NCAPD3: variants seen among roughly 807,000 people sequenced by gnomAD.
The protein encoded by NCAPD3 is non-SMC condensin II complex subunit D3, also known as condensin-2 complex subunit D3.
NCAPD3 carries 105 observed loss-of-function variants against 182.9 expected under a neutral mutation model. The observed-to-expected ratio is 0.57, with a 90% CI of 0.49 to 0.68. The LOEUF is 0.68. NCAPD3 is among the 30% of genes least tolerant of loss of function. The pLI is 0.00. For missense variants in NCAPD3, 1,944 were observed against 1,837.0 expected (o/e 1.06, Z -1.07); for synonymous variants, 815 against 679.9 (o/e 1.20, Z -3.09).
chr11:134,222,804 AG>A (rs1938283161), intron 1 of NCAPD3, among the ~76,000 whole-genome samples: 1 of 152,246 alleles, frequency 6.6e-6, no homozygotes, highest in Non-Finnish European at 1.5e-5. Flanking sequence ...ACAAAGGGAA[AG>A]AAATTAAAGT....
chr11:134,220,153 G>A (rs1223052479), intron 2 of NCAPD3, among the ~76,000 whole-genome samples: 1 of 151,568 alleles, frequency 6.6e-6, no homozygotes, highest in Non-Finnish European at 1.5e-5. Context: ...ATTTTCCTTG[G>A]TCTAGTTTTC....
rs554623362 is a variant in NCAPD3 at position 134,215,586 on chromosome 11, G to A, written c.382+1350C>T. 3.9e-5 allele frequency among the ~76,000 whole-genome samples: 6 copies of A among 152,156 alleles called. No homozygotes were observed. In the East Asian group the frequency reaches 1.2e-3, roughly 29 times the overall value. ...TAACACTTAAGAATAAATTTTAAAG[G>A]GGAGATGCAAGAGTTGCGCACCAAA... On this transcript the variant is annotated intron_variant, in intron 3 of 34. Transcript: ENST00000534548.
At chr11:134,209,281 G>A in intron 5 of NCAPD3, 32 bp downstream of exon 5, 1 of 1,609,578 alleles carries the variant, frequency 6.2e-7, no homozygotes, top group South Asian at 1.1e-5. Context: ...ATCCTTTGAA[G>A]TTGCCCTAAG....
In NCAPD3 at chr11:134,165,793, G is replaced by C. The variant is rs184905717; in HGVS notation, c.3573+2203C>G. 6.5e-4 allele frequency among the ~76,000 whole-genome samples: 92 copies of C among 142,144 alleles called. 1 individual carries two copies. Among genetic ancestry groups the C allele is most frequent in the African/African-American group, 2.3e-3 (87 of 37,412 alleles). The allele number at this position is 142,144 out of a possible 152,430, so 93.3% of individuals were successfully genotyped here. A position where few individuals can be genotyped will look rare whatever the true frequency, so the allele number is the denominator to read the frequency against. ...GGTACACACTCGTGAGAGGAGCTTA[G>C]GGGAGATGCACACTCACTTGTGAGA... On this transcript the variant is annotated intron_variant, in intron 27 of 34. Transcript: ENST00000534548.
At chr11:134,192,957 G>A (rs1241717516) in intron 15 of NCAPD3, 48 bp from the exon 16 acceptor site, 3 of 1,075,912 alleles carry the variant, frequency 2.8e-6, no homozygotes, top group African/African-American at 3.1e-5. Context: ...TACAAGTCAG[G>A]GAAGTTGTGA....
chr11:134,160,225 C>T (rs1368109910), intron 28 of NCAPD3, 151 bp from the exon 29 acceptor site: 2 of 710,896 alleles, frequency 2.8e-6, no homozygotes, highest in East Asian at 2.8e-5. Flanking sequence ...AAGAAAAAAG[C>T]CCCCCAAGTC....
At chr11:134,213,391 C>T (rs1019922013) in intron 3 of NCAPD3, among the ~76,000 whole-genome samples, 10 of 151,562 alleles carry the variant, frequency 6.6e-5, no homozygotes, top group African/African-American at 2.4e-4. Flanking sequence ...ACGATCTCAA[C>T]TCACTGCAAC....
intron 13 of NCAPD3, among the ~76,000 whole-genome samples, chr11:134,198,007 A>G (rs1419941653): frequency 6.6e-6 from 1 of 152,218 alleles, no homozygotes; most frequent in East Asian, 1.9e-4. Flanking sequence ...TCTTTTCAAC[A>G]TCATTCCACA....
chr11:134,208,967 G>GA lies in NCAPD3; in HGVS notation c.795-17dup, dbSNP rs1937720896. 2.6e-6 allele frequency: 4 copies of GA among 1,538,326 alleles called. No individual in the cohort carries two copies. The highest frequency in any genetic ancestry group is 1.2e-5 in the South Asian group (1 of 85,552). ...GTTAAGAGCTCTAAAAAAAAAAGAC[G>GA]AAATATTAGTTAATGGATATGATTT... On this transcript the variant is annotated splice_polypyrimidine_tract_variant and intron_variant, in intron 6 of 34. Coordinates refer to ENST00000534548, the MANE Select transcript of NCAPD3 (RefSeq NM_015261.3).
At chr11:134,170,043 G>A (rs752453692) in intron 24 of NCAPD3, among the ~76,000 whole-genome samples, 12 of 152,176 alleles carry the variant, frequency 7.9e-5, no homozygotes, top group Admixed American at 2.6e-4. Flanking sequence ...CCTTTCCCCA[G>A]TGGTGCTCCT....
In NCAPD3 at chr11:134,204,926, A is replaced by G. The variant is rs753770391; in HGVS notation, c.1062T>C (p.Arg354=). The G allele has an allele frequency of 6.2e-7, 1 of 1,613,808 alleles. No individual in the cohort carries two copies. Among genetic ancestry groups the G allele is most frequent in the Non-Finnish European group, 8.5e-7 (1 of 1,179,696 alleles). ...TGGCACAGATGTGCTGCAGTAAGATACGGACGACTGGGAATATACTCTCCT... is the reference window on the plus strand; with the variant it reads ...TGGCACAGATGTGCTGCAGTAAGATGCGGACGACTGGGAATATACTCTCCT... ...ELKESIFPVV[R]ILLQHICAKV... Residue 354 remains arginine (R), a synonymous_variant, in exon 9 of 35, where the codon CGT becomes CGC. Transcript: ENST00000534548. This position sits in a 1 kb window ranked among gnomAD's most constrained non-coding sequence, Gnocchi z 4.3.
In NCAPD3 at chr11:134,223,338, C is replaced by G. The variant is rs1412015775; in HGVS notation, c.64+525G>C. 1.2e-5 allele frequency: 8 copies of G among 683,238 alleles called. No homozygotes were observed. In the African/African-American group the frequency reaches 1.2e-4, roughly 11 times the overall value. The allele number at this position is 683,238 out of a possible 1,614,324, so 42.3% of individuals were successfully genotyped here. Reference sequence around the variant, plus strand: ...GCCCTGAGACACCTCAGAGGCAGGACAGTGGTAGTGGGCATGAAAGGGGAA... The same window carrying G: ...GCCCTGAGACACCTCAGAGGCAGGAGAGTGGTAGTGGGCATGAAAGGGGAA... On this transcript the variant is annotated intron_variant, in intron 1 of 34. Transcript: ENST00000534548.
At chr11:134,184,497 C>A (rs1041348437) in intron 19 of NCAPD3, 140 bp downstream of exon 19, 1 of 599,198 alleles carries the variant, frequency 1.7e-6, no homozygotes, top group Non-Finnish European at 2.9e-6. Context: ...GTAAACCTTG[C>A]CTTGTTGCGG....
intron 13 of NCAPD3, among the ~76,000 whole-genome samples, chr11:134,202,185 G>A (rs187344126): frequency 2.2e-4 from 33 of 152,174 alleles, no homozygotes; most frequent in East Asian, 1.5e-3. Context: ...AATCCTCTAC[G>A]TACATGCTCT....
intron 27 of NCAPD3, 29 bp from the exon 28 acceptor site, chr11:134,161,920 G>C (rs751734718): frequency 2.4e-6 from 3 of 1,244,752 alleles, no homozygotes; most frequent in South Asian, 2.7e-5. Flanking sequence ...ACATGTTTTA[G>C]ATGTATGAAC....
chr11:134,209,933 G>A (rs1937767223), intron 4 of NCAPD3, among the ~76,000 whole-genome samples: 1 of 152,206 alleles, frequency 6.6e-6, no homozygotes, highest in Non-Finnish European at 1.5e-5. Flanking sequence ...GCGCATGCCT[G>A]TAGCCCCAGC....
intron 17 of NCAPD3, 131 bp downstream of exon 17, chr11:134,185,204 G>A: frequency 5.3e-6 from 5 of 949,752 alleles, no homozygotes; most frequent in Non-Finnish European, 7.8e-6. Flanking sequence ...TTTCATGCTT[G>A]TTTTTATACC....
At chr11:134,159,705 C>G (rs771649569) in intron 29 of NCAPD3, among the ~76,000 whole-genome samples, 187 bp downstream of exon 29, 4 of 152,254 alleles carry the variant, frequency 2.6e-5, no homozygotes, top group Non-Finnish European at 5.9e-5. Flanking sequence ...GAAGGGAGGT[C>G]TGGAGCACAG....
chr11:134,221,981 T>C (rs903450348), intron 1 of NCAPD3, among the ~76,000 whole-genome samples: 9 of 152,244 alleles, frequency 5.9e-5, no homozygotes, highest in African/African-American at 1.2e-4. Flanking sequence ...AAGGTCATTA[T>C]AGACCACAGC....
Sources: gnomAD v4.1 joint callset for allele counts (sites outside exome capture counted in the v4.1 genomes callset) on GRCh38, gnomAD v4.1.1 for gene constraint, Gnocchi (gnomAD v3.1) non-coding constraint, MANE v1.5 for transcripts, NCBI Gene and HGNC (gene_info 2026-07-23, HGNC 2026-07-21) for gene names.